The following ADAP2 variants were observed in gnomAD, a reference collection of about 807,000 sequenced individuals.
ADAP2 encodes the protein arf-GAP with dual PH domain-containing protein 2.
Under a neutral mutation model 54.9 loss-of-function variants are expected in ADAP2, and 42 were observed. That is an observed-to-expected ratio of 0.77 (90% CI 0.60 to 0.99). The LOEUF (loss-of-function observed/expected upper bound fraction) is 0.99, where lower values mean the gene tolerates loss of function less well. Among genes scored for constraint, ADAP2 ranks in the 50% least tolerant of loss-of-function variants. The probability of loss-of-function intolerance (pLI) is 0.00; values close to 1 mark genes in which losing one functional copy is unlikely to be tolerated. For missense variants in ADAP2, 429 were observed against 480.4 expected, an observed-to-expected ratio of 0.89 and a Z score of 1.00; for synonymous variants, 177 against 180.1, an observed-to-expected ratio of 0.98 and a Z score of 0.14.
chr17:30,933,071 C>T (rs928543428), intron 4 of ADAP2, among the ~76,000 whole-genome samples: 2 of 152,142 alleles, frequency 1.3e-5, no homozygotes, highest in African/African-American at 2.4e-5. Flanking sequence ...TTCACCCCCA[C>T]GGTCCTGAGT....
chr17:30,947,019 G>A (rs1223717776), intron 6 of ADAP2, among the ~76,000 whole-genome samples: 1 of 152,158 alleles, frequency 6.6e-6, no homozygotes, highest in Non-Finnish European at 1.5e-5. Context: ...GCCCAGTATG[G>A]TGCATCTGAC....
intron 6 of ADAP2, among the ~76,000 whole-genome samples, chr17:30,948,159 T>C (rs942643412): frequency 1.3e-5 from 2 of 152,150 alleles, no homozygotes; most frequent in Non-Finnish European, 2.9e-5. Flanking sequence ...GTTGGGAGAA[T>C]TGCAAATAGT....
At chr17:30,925,597 CTT>C (rs565627419) in intron 2 of ADAP2, among the ~76,000 whole-genome samples, 3 of 133,946 alleles carry the variant, frequency 2.2e-5, no homozygotes. Context: ...TTCTTTCTTT[CTT>C]TTTTTTTTTT....
intron 4 of ADAP2, among the ~76,000 whole-genome samples, chr17:30,933,364 T>A (rs1911636789): frequency 6.6e-6 from 1 of 151,612 alleles, no homozygotes; most frequent in African/African-American, 2.4e-5. Flanking sequence ...ATGTTTATAT[T>A]TTTAGGAGAG....
In ADAP2 at chr17:30,954,487, C is replaced by A. The variant is rs746077502; in HGVS notation, c.814C>A (p.Pro272Thr). The A allele has an allele frequency of 1.2e-5, 20 of 1,614,006 alleles. No individual in the cohort carries two copies. Among genetic ancestry groups the A allele is most frequent in the Non-Finnish European group, 1.7e-5 (20 of 1,180,010 alleles). ...GTTCCCTCTTTTGCAGCAGAAAGAA[C>A]CTTTCAAGAAAAGGTGGTTCGCCCT... ...MEKTGPKQKE[P>T]FKKRWFALDC... Residue 272 changes from proline to threonine, a missense_variant, in exon 9 of 11, where the codon CCT becomes ACT. Physicochemically the swap from Pro to Thr is conservative, Grantham distance 38. Coordinates refer to ENST00000330889, the MANE Select transcript of ADAP2 (RefSeq NM_018404.3).
chr17:30,927,006 G>T, intron 3 of ADAP2, 88 bp downstream of exon 3: 2 of 1,053,294 alleles, frequency 1.9e-6, no homozygotes, highest in South Asian at 1.3e-5. Flanking sequence ...CTTCATCTGT[G>T]GTGGTCTCTT....
chr17:30,954,427 T>G (rs1393753147), intron 8 of ADAP2, 51 bp from the exon 9 acceptor site: 2 of 1,555,642 alleles, frequency 1.3e-6, no homozygotes, highest in African/African-American at 2.7e-5. Flanking sequence ...CTGACCTCTA[T>G]CCTCAGAAAC....
chr17:30,943,748 G>C (rs1458380859), intron 5 of ADAP2, among the ~76,000 whole-genome samples: 1 of 152,126 alleles, frequency 6.6e-6, no homozygotes. Flanking sequence ...TCAGGAGGCT[G>C]AGGCAGGAGA....
rs1485317478 is a variant in ADAP2 at position 30,958,997 on chromosome 17, A to T, written c.*1128A>T. 6.6e-6 allele frequency: 1 copy of T among 152,106 alleles called. No individual in the cohort carries two copies. The highest frequency in any genetic ancestry group is 2.4e-5 in the African/African-American group (1 of 41,400). The allele number at this position is 152,106 out of a possible 1,614,324, so 9.4% of individuals were successfully genotyped here. A position where few individuals can be genotyped will look rare whatever the true frequency, so the allele number is the denominator to read the frequency against. ...TTCCTGAAGCTTCTCGACTGCCCAGATAGGGAGGTGAGTCCTCTCTATCTC... is the reference window on the plus strand; with the variant it reads ...TTCCTGAAGCTTCTCGACTGCCCAGTTAGGGAGGTGAGTCCTCTCTATCTC... On this transcript the variant is annotated 3_prime_UTR_variant, in exon 11 of 11. Coordinates refer to ENST00000330889, the MANE Select transcript of ADAP2 (RefSeq NM_018404.3).
intron 7 of ADAP2, 45 bp from the exon 8 acceptor site, chr17:30,953,243 C>G: frequency 1.2e-6 from 2 of 1,604,216 alleles, no homozygotes; most frequent in Non-Finnish European, 1.7e-6. Flanking sequence ...GAACCTGGAG[C>G]CTTGGGGTGT....
At chr17:30,951,305 TCCA>T (rs1904610075) in intron 7 of ADAP2, among the ~76,000 whole-genome samples, 2 of 152,118 alleles carry the variant, frequency 1.3e-5, no homozygotes, top group East Asian at 3.9e-4. Flanking sequence ...GAAGCAGTGC[TCCA>T]GCCATGTGAC....
At chr17:30,956,887 C>T (rs1905115963) in intron 10 of ADAP2, 1 of 187,746 alleles carries the variant, frequency 5.3e-6, no homozygotes, top group South Asian at 1.1e-4. Flanking sequence ...GATTCCTCCC[C>T]ACTCCAGAGG....
chr17:30,941,655 C>T (rs1352164773), intron 5 of ADAP2, among the ~76,000 whole-genome samples: 1 of 152,084 alleles, frequency 6.6e-6, no homozygotes, highest in African/African-American at 2.4e-5. Context: ...CTTTTTCATA[C>T]TATGTGTTTT....
At chr17:30,949,748 C>CAAAAAAAAAA (rs34131343) in intron 7 of ADAP2, among the ~76,000 whole-genome samples, 1 of 62,000 alleles carries the variant, frequency 1.6e-5, no homozygotes, top group Non-Finnish European at 3.7e-5. Flanking sequence ...GACTCCGTCT[C>CAAAAAAAAAA]AAAAAAAAAA....
At chr17:30,929,665 A>G (rs771007195) in intron 3 of ADAP2, among the ~76,000 whole-genome samples, 7 of 152,028 alleles carry the variant, frequency 4.6e-5, no homozygotes, top group African/African-American at 1.4e-4. Context: ...TGGGCTGTGC[A>G]CTAGGAATGA....
intron 1 of ADAP2, among the ~76,000 whole-genome samples, chr17:30,922,351 G>T (rs973914693): frequency 6.6e-6 from 1 of 151,916 alleles, no homozygotes; most frequent in Non-Finnish European, 1.5e-5. Context: ...GACCAGATGC[G>T]CATCTTCCCA....
chr17:30,929,461 C>G (rs139928267), intron 3 of ADAP2, among the ~76,000 whole-genome samples: 7 of 152,286 alleles, frequency 4.6e-5, no homozygotes, highest in Middle Eastern at 3.4e-3. Context: ...GGCTTCCTGC[C>G]GGCACTAAAC....
rs1422846655 is a variant in ADAP2 at position 30,956,331 on chromosome 17, C to T, written c.973C>T (p.Arg325Cys). ...EDLPKGIRGN[R>C]WKAGLTIVTP... ...CCTGCCCAAGGGCATCCGAGGAAAT[C>T]GCTGGAAAGCCGGACTCACCATTGT... Residue 325 changes from arginine (R) to cysteine (C), a missense_variant, in exon 10 of 11, where the codon CGC (arginine) becomes TGC (cysteine). Arg to Cys is a radical substitution (Grantham distance 180). Transcript: ENST00000330889. The T allele has an allele frequency of 5.0e-6, 8 of 1,614,090 alleles. No individual in the cohort carries two copies. Among genetic ancestry groups the T allele is most frequent in the Non-Finnish European group, 6.8e-6 (8 of 1,180,052 alleles).
rs566512139 is a variant in ADAP2, at chr17:30,955,696, G to A, written c.883-545G>A. Among the ~76,000 whole-genome samples, 52 of 145,936 alleles carry A rather than the reference G, an allele frequency of 3.6e-4. 1 individual carries two copies. In the South Asian group the frequency reaches 0.01, roughly 29 times the overall value. The stretch of plus-strand genomic sequence containing the variant: ...CAGCCTGGGTGCAGAGTGAGACTCC[G>A]TCTCAAAAAAAAAAAAAGAAAGAAA... On this transcript the variant is annotated intron_variant, in intron 9 of 10. Coordinates refer to ENST00000330889, the MANE Select transcript of ADAP2 (RefSeq NM_018404.3).
Sources: allele counts gnomAD v4.1 joint callset (sites outside exome capture counted in the v4.1 genomes callset), GRCh38; gene constraint gnomAD v4.1.1; transcripts MANE v1.5; gene names NCBI Gene and HGNC (gene_info 2026-07-23, HGNC 2026-07-21).